Variants in STK10 observed in about 807,000 individuals in gnomAD.
The protein encoded by STK10 is serine/threonine-protein kinase 10.
In STK10, 78 loss-of-function variants were observed where a neutral mutation model predicts 113.8. That is an observed-to-expected ratio of 0.69 (90% CI 0.57 to 0.83). The LOEUF (loss-of-function observed/expected upper bound fraction) is 0.83. Among genes scored for constraint, STK10 ranks in the 40% least tolerant of loss-of-function variants. STK10 has a pLI of 0.00. For missense variants in STK10, 1,109 were observed against 1,280.1 expected, an observed-to-expected ratio of 0.87 and a Z score of 2.04; for synonymous variants, 465 against 494.7, an observed-to-expected ratio of 0.94 and a Z score of 0.80.
At chr5:172,173,871 C>T (rs978303158) in intron 1 of STK10, among the ~76,000 whole-genome samples, 1 of 152,212 alleles carries the variant, frequency 6.6e-6, no homozygotes, top group Admixed American at 6.5e-5. Context: ...GGGCTGGCCA[C>T]AAGCATCAAT....
intron 2 of STK10, among the ~76,000 whole-genome samples, chr5:172,140,650 T>C (rs190543445): frequency 1.3e-3 from 191 of 152,300 alleles, no homozygotes; most frequent in Admixed American, 2.8e-3. Context: ...TGAGCCAAGA[T>C]TGTGCCACTG....
intron 4 of STK10, among the ~76,000 whole-genome samples, chr5:172,108,583 T>G (rs1006845339): frequency 7.4e-6 from 1 of 134,892 alleles, no homozygotes. Context: ...ACCACTGCGC[T>G]CCAGCCCAGG....
At chr5:172,066,039 C>G (rs773932032) in intron 12 of STK10, among the ~76,000 whole-genome samples, 4 of 152,126 alleles carry the variant, frequency 2.6e-5, no homozygotes, top group Non-Finnish European at 5.9e-5. Context: ...CCAAGAAACC[C>G]ACACCTTCAC....
chr5:172,064,251 G>A (rs750472870), intron 13 of STK10: 22 of 162,992 alleles, frequency 1.3e-4, no homozygotes, highest in Middle Eastern at 6.2e-3. Context: ...TGGAGGTGAC[G>A]AAGGACTGGA....
chr5:172,056,871 C>CGAAA (rs112419496), intron 15 of STK10: 12,097 of 128,862 alleles, frequency 0.094, 745 homozygotes, highest in Middle Eastern at 0.19. Context: ...GACTCCATCT[C>CGAAA]GAAAGAAAGA....
At chr5:172,086,803 C>T (rs1004854553) in intron 10 of STK10, among the ~76,000 whole-genome samples, 4 of 152,160 alleles carry the variant, frequency 2.6e-5, no homozygotes, top group Admixed American at 6.5e-5. Flanking sequence ...CGGTTCCTGC[C>T]GAGCACCTCT....
In STK10 at chr5:172,082,597, T is replaced by C; in HGVS notation, c.1810-92A>G. On this transcript the variant is annotated intron_variant, in intron 11 of 18. Transcript: ENST00000176763. The surrounding 1 kb of genome is among the most constrained non-coding windows in gnomAD (Gnocchi z 4.3). ...TGGAATGGGGAGAACTCAGAGCTTGTGATCAGACCTAAGCTTGAATCCCAG... is the reference window on the plus strand; with the variant it reads ...TGGAATGGGGAGAACTCAGAGCTTGCGATCAGACCTAAGCTTGAATCCCAG... 6.9e-7 allele frequency: 1 copy of C among 1,441,686 alleles called. No homozygotes were observed. Among genetic ancestry groups the C allele is most frequent in the Non-Finnish European group, 9.3e-7 (1 of 1,077,212 alleles). The allele number at this position is 1,441,686 out of a possible 1,614,324, so 89.3% of individuals were successfully genotyped here.
At chr5:172,118,897 A>G (rs1769444345) in intron 3 of STK10, among the ~76,000 whole-genome samples, 1 of 149,534 alleles carries the variant, frequency 6.7e-6, no homozygotes, top group Non-Finnish European at 1.5e-5. Flanking sequence ...AAAAAAAAAA[A>G]GTGTCCACTG....
intron 10 of STK10, among the ~76,000 whole-genome samples, chr5:172,087,229 T>C (rs1386435496): frequency 6.6e-6 from 1 of 150,922 alleles, no homozygotes; most frequent in African/African-American, 2.5e-5. Flanking sequence ...ATCCACAACA[T>C]CTAAAACTAC....
rs142561466 is a variant in STK10 at position 172,104,603 on chromosome 5, C to T, written c.870+1053G>A. 9.3e-3 allele frequency among the ~76,000 whole-genome samples: 1,416 copies of T among 152,286 alleles called. 14 individuals carry two copies. The highest frequency in any genetic ancestry group is 0.013 in the Non-Finnish European group (894 of 68,018). The stretch of plus-strand genomic sequence containing the variant: ...TGTCTCCCCTAATGCACAGATAAAG[C>T]CCAGGACCTGGCTCTGGCTTGCAAG... On this transcript the variant is annotated intron_variant, in intron 7 of 18. Transcript: ENST00000176763.
intron 1 of STK10, among the ~76,000 whole-genome samples, chr5:172,182,843 C>T (rs567055037): frequency 2.4e-4 from 36 of 152,132 alleles, no homozygotes; most frequent in African/African-American, 8.4e-4. Context: ...TGAGCCACCG[C>T]GCCCGGCCAA....
intron 12 of STK10, among the ~76,000 whole-genome samples, chr5:172,071,536 C>A (rs1051731451): frequency 6.6e-6 from 1 of 152,014 alleles, no homozygotes; most frequent in African/African-American, 2.4e-5. Flanking sequence ...ACTCTTTGTT[C>A]ATTGTAATAG....
chr5:172,098,757 G>A (rs1031293134), intron 7 of STK10, among the ~76,000 whole-genome samples: 8 of 152,126 alleles, frequency 5.3e-5, no homozygotes, highest in Non-Finnish European at 1.0e-4. Flanking sequence ...CCACCAACTT[G>A]GGCAAGTCAC....
rs975206518 is a variant in STK10 at position 172,061,172 on chromosome 5, C to A, written c.2179G>T (p.Glu727Ter). 3 of 1,613,168 alleles carry A rather than the reference C, an allele frequency of 1.9e-6. No individual in the cohort carries two copies. The highest frequency in any genetic ancestry group is 2.5e-6 in the Non-Finnish European group (3 of 1,179,856). ...AGCTCCTGCTTCTTCATGAGGCACT[C>A]GCGCTCCTTGTCACAGATCTCCCGC... ...NRREICDKER[E>*]CLMKKQELLR... Residue 727 changes from glutamate (E) to a stop codon, truncating the protein, a stop_gained, in exon 14 of 19, where the codon GAG (glutamate) becomes TAG (stop). Transcript: ENST00000176763. LOFTEE classifies it high-confidence loss of function.
At chr5:172,145,720 C>G (rs1289025416) in intron 2 of STK10, among the ~76,000 whole-genome samples, 5 of 152,206 alleles carry the variant, frequency 3.3e-5, no homozygotes, top group Non-Finnish European at 7.3e-5. Context: ...TTCGGAGATC[C>G]AAGCCTCAGT....
At position 172,156,633 on chromosome 5, in the gene STK10, C is replaced by T. The variant is rs2113817760; in HGVS notation, c.312G>A (p.Gly104=). 5 of 1,613,274 alleles carry T rather than the reference C, an allele frequency of 3.1e-6. No homozygotes were observed. The East Asian group carries it at 1.1e-4, about 36-fold the overall frequency. ...VKLLGAYYHD[G]KLWIMIEFCP... is the part of the protein sequence containing the mutation. ...AGGGCGGCAGCCTTACCCACAGCTT[C>T]CCGTCGTGATAGTAGGCTCCCAGGA... Residue 104 remains glycine, a synonymous_variant, in exon 2 of 19, where the codon GGG becomes GGA. Transcript: ENST00000176763.
chr5:172,168,182 G>A (rs1469744826), intron 1 of STK10, among the ~76,000 whole-genome samples: 1 of 152,204 alleles, frequency 6.6e-6, no homozygotes, highest in East Asian at 1.9e-4. Context: ...CAGGCCACTG[G>A]AACCAAAGCA....
chr5:172,160,796 G>A (rs991213755), intron 1 of STK10, among the ~76,000 whole-genome samples: 8 of 152,148 alleles, frequency 5.3e-5, no homozygotes, highest in Non-Finnish European at 1.0e-4. Context: ...ACAGACGGAC[G>A]TGCAAGTCCA....
intron 10 of STK10, among the ~76,000 whole-genome samples, chr5:172,089,411 T>TGGATGGATGGATGGATGGATGGATGGAA (rs1768639003): frequency 5.4e-5 from 8 of 148,714 alleles, no homozygotes; most frequent in African/African-American, 1.5e-4. Flanking sequence ...GATGGATGGA[T>TGGATGGATGGATGGATGGATGGATGGAA]GGATGGATGG....
Sources: allele counts gnomAD v4.1 joint callset (sites outside exome capture counted in the v4.1 genomes callset), GRCh38; gene constraint gnomAD v4.1.1; non-coding constraint Gnocchi (gnomAD v3.1); transcripts MANE v1.5; gene names NCBI Gene and HGNC (gene_info 2026-07-23, HGNC 2026-07-21).